Variants in RSF1 observed in about 807,000 individuals in gnomAD.
The protein encoded by RSF1 is remodeling and spacing factor 1.
A neutral mutation model predicts 145.2 loss-of-function variants in RSF1; 13 were observed. The ratio of observed to expected loss-of-function variants is 0.09; its 90% CI spans 0.06 to 0.14. The LOEUF is 0.14. RSF1 is among the 10% of genes least tolerant of loss of function. The pLI is 1.00. For synonymous variants in RSF1, 577 were observed against 592.6 expected (o/e 0.97, Z 0.38); for missense variants, 1,517 against 1,718.2 (o/e 0.88, Z 2.07).
the RSF1 span, among the ~76,000 whole-genome samples, chr11:77,831,395 G>A: frequency 1.3e-5 from 2 of 152,114 alleles, no homozygotes; most frequent in Non-Finnish European, 2.9e-5. Context: ...TTACATAAAT[G>A]TTCATAACAA....
intron 5 of RSF1, among the ~76,000 whole-genome samples, chr11:77,706,428 ATTTT>A (rs898757938): frequency 6.6e-6 from 1 of 150,932 alleles, no homozygotes; most frequent in Non-Finnish European, 1.5e-5. Flanking sequence ...AGCTGTGAGG[ATTTT>A]TTTTTCTTTT....
intron 2 of RSF1, among the ~76,000 whole-genome samples, chr11:77,756,349 ACT>A (rs775685965): frequency 2.0e-5 from 3 of 147,164 alleles, no homozygotes; most frequent in African/African-American, 7.6e-5. Context: ...CAAGAGCAAA[ACT>A]CTGTCTCAAA....
chr11:77,789,976 T>C (rs1035892420), intron 1 of RSF1, among the ~76,000 whole-genome samples: 7 of 152,126 alleles, frequency 4.6e-5, no homozygotes, highest in African/African-American at 1.4e-4. Context: ...GCCCAGTCTA[T>C]CACAGCCACC....
the RSF1 span, among the ~76,000 whole-genome samples, chr11:77,828,261 C>T: frequency 3.2e-4 from 49 of 151,042 alleles, no homozygotes; most frequent in South Asian, 1.7e-3. Context: ...GGTGACAGAG[C>T]GCAACTCTGT....
intron 1 of RSF1, among the ~76,000 whole-genome samples, chr11:77,785,118 G>C (rs1948441656): frequency 6.6e-6 from 1 of 152,144 alleles, no homozygotes; most frequent in African/African-American, 2.4e-5. Flanking sequence ...CCTGGTAGTG[G>C]TATAGGGCTC....
rs577214038 is a variant in RSF1, at chr11:77,683,565, A to G, written c.3065+145T>C. Reference sequence around the variant, plus strand: ...AAAAAAAAAGAAAAAGGAAAAAAAAAATTCTATGACTAAAGATGGAAGGCA... The same window carrying G: ...AAAAAAAAAGAAAAAGGAAAAAAAAGATTCTATGACTAAAGATGGAAGGCA... On this transcript the variant is annotated intron_variant, in intron 11 of 15. Transcript: ENST00000308488. The G allele has an allele frequency of 2.5e-5, 13 of 522,374 alleles. No individual in the cohort carries two copies. In the African/African-American group the frequency reaches 2.5e-4, roughly 10 times the overall value. 32.4% of individuals were successfully genotyped at this position (522,374 alleles called of 1,614,324 possible). A position where few individuals can be genotyped will look rare whatever the true frequency, so the allele number is the denominator to read the frequency against.
upstream of RSF1, among the ~76,000 whole-genome samples, chr11:77,821,524 T>C (rs191083087): frequency 1.4e-3 from 206 of 151,846 alleles, 1 homozygote; most frequent in African/African-American, 3.3e-3. Flanking sequence ...GGGGGAATCG[T>C]CGGAGTGAGG....
chr11:77,796,879 A>G (rs1488232584), intron 1 of RSF1, among the ~76,000 whole-genome samples: 2 of 152,238 alleles, frequency 1.3e-5, no homozygotes, highest in African/African-American at 4.8e-5. Flanking sequence ...ACAAACTGAG[A>G]GCCAAATCAT....
At position 77,734,417 on chromosome 11, in the gene RSF1, T is replaced by A. The variant is rs890771454; in HGVS notation, c.578+6314A>T. On this transcript the variant is annotated intron_variant, in intron 4 of 15. Coordinates refer to ENST00000308488, the MANE Select transcript of RSF1 (RefSeq NM_016578.4). The stretch of plus-strand genomic sequence containing the variant: ...AAGGTAAAGGAAACCCCAACATGCA[T>A]GCACTGCCTTGGTGACCAGGGAAGT... 6.1e-6 allele frequency: 7 copies of A among 1,155,076 alleles called. No individual in the cohort carries two copies. In the African/African-American group the frequency reaches 9.0e-5, roughly 15 times the overall value. The allele number at this position is 1,155,076 out of a possible 1,614,324, so 71.6% of individuals were successfully genotyped here.
At chr11:77,820,728 A>C, upstream of RSF1, 2 of 1,543,040 alleles carry the variant, frequency 1.3e-6, no homozygotes, top group Non-Finnish European at 1.7e-6. Context: ...GAACTGGAGG[A>C]TGGAGGAGGA....
intron 5 of RSF1, among the ~76,000 whole-genome samples, chr11:77,716,117 G>A (rs1465572043): frequency 6.6e-6 from 1 of 151,706 alleles, no homozygotes; most frequent in Non-Finnish European, 1.5e-5. Flanking sequence ...AAGACAACAG[G>A]TGTAGGCAAA....
chr11:77,751,850 T>C (rs2135924424), intron 2 of RSF1, among the ~76,000 whole-genome samples: 1 of 152,350 alleles, frequency 6.6e-6, no homozygotes, highest in Middle Eastern at 3.4e-3. Flanking sequence ...AAAATCTGTC[T>C]TTATCAGCTT....
the RSF1 span, among the ~76,000 whole-genome samples, chr11:77,845,773 G>C: frequency 6.6e-6 from 1 of 152,046 alleles, no homozygotes; most frequent in Non-Finnish European, 1.5e-5. Context: ...TTTCTTTATT[G>C]ATATTTTTTA....
In RSF1 at chr11:77,747,061, A is replaced by C; in HGVS notation, c.347T>G (p.Val116Gly). 6.2e-7 allele frequency: 1 copy of C among 1,606,492 alleles called. No homozygotes were observed. Among genetic ancestry groups the C allele is most frequent in the Non-Finnish European group, 8.5e-7 (1 of 1,173,292 alleles). The change falls in exon 3 of 16, where the codon GTT (valine) becomes GGT (glycine). Residue 116 changes from valine (V) to glycine (G), a missense_variant. Physicochemically the swap from Val to Gly is moderately radical, Grantham distance 109. This residue lies in a region of RSF1 where 94 missense variants were observed against 143.6 expected (regional missense o/e 0.65). Coordinates refer to ENST00000308488, the MANE Select transcript of RSF1 (RefSeq NM_016578.4). ...CTTTAAGAGTGCTAGTTTGCATTCA[A>C]CACTCATTTCAAGATAGCCCTTCTT... is the stretch of plus-strand genomic sequence containing the variant. The part of the protein sequence containing the change: ...MEKKGYLEMS[V>G]ECKLALLKYL...
intron 2 of RSF1, chr11:77,762,515 C>G (rs564452972): frequency 6.6e-6 from 1 of 152,192 alleles, no homozygotes; most frequent in Non-Finnish European, 1.5e-5. Flanking sequence ...CACTCACTGT[C>G]ATTTTCTCAA....
At chr11:77,683,579 A>C (rs1959923901) in intron 11 of RSF1, 131 bp downstream of exon 11, 1 of 545,198 alleles carries the variant, frequency 1.8e-6, no homozygotes, top group Non-Finnish European at 3.1e-6. Context: ...CTATGACTAA[A>C]GATGGAAGGC....
chr11:77,774,764 C>CT (rs1306479298), intron 1 of RSF1, among the ~76,000 whole-genome samples: 3 of 136,588 alleles, frequency 2.2e-5, no homozygotes, highest in African/African-American at 5.8e-5. Flanking sequence ...CTGCTTCTTT[C>CT]TTTTTTTTCT....
chr11:77,757,202 T>A (rs1025058795), intron 2 of RSF1, among the ~76,000 whole-genome samples: 5 of 151,840 alleles, frequency 3.3e-5, no homozygotes, highest in Admixed American at 1.3e-4. Flanking sequence ...CAAGGTGGAG[T>A]TGAATACAGT....
chr11:77,839,624 G>GTA, the RSF1 span, among the ~76,000 whole-genome samples: 1 of 152,176 alleles, frequency 6.6e-6, no homozygotes, highest in Non-Finnish European at 1.5e-5. Flanking sequence ...CTACACCATG[G>GTA]TATACTATGC....
Sources: gnomAD v4.1 joint callset for allele counts (sites outside exome capture counted in the v4.1 genomes callset) on GRCh38, gnomAD v4.1.1 for gene constraint, gnomAD v4.1.1 regional missense constraint, MANE v1.5 for transcripts, NCBI Gene and HGNC (gene_info 2026-07-23, HGNC 2026-07-21) for gene names.